The following CACNA1C variants were observed in gnomAD, a reference collection of about 807,000 sequenced individuals.
CACNA1C encodes the protein voltage-dependent L-type calcium channel subunit alpha-1C.
A neutral mutation model predicts 229.0 loss-of-function variants in CACNA1C; 30 were observed. The observed-to-expected ratio is 0.13, with a 90% CI of 0.10 to 0.18. CACNA1C has a LOEUF of 0.18. Ranked by LOEUF, CACNA1C falls within the 10% of genes least tolerant of loss-of-function variation. The pLI, the probability that CACNA1C is intolerant of heterozygous loss-of-function variation, is 1.00. For missense variants in CACNA1C, 1,658 were observed against 2,845.0 expected (o/e 0.58, Z 9.49); for synonymous variants, 1,114 against 1,132.5 (o/e 0.98, Z 0.33).
chr12:2,174,613 G>A (rs866738643), intron 3 of CACNA1C, among the ~76,000 whole-genome samples: 49 of 151,946 alleles, frequency 3.2e-4, no homozygotes, highest in African/African-American at 1.2e-3. Flanking sequence ...AATTTCACCT[G>A]TAAGTACAGT....
chr12:2,083,153 G>A (rs901685250), intron 1 of CACNA1C, among the ~76,000 whole-genome samples: 24 of 152,124 alleles, frequency 1.6e-4, no homozygotes, highest in African/African-American at 5.3e-4. Context: ...TTCTTTGGAG[G>A]GTTTTTCTTG....
chr12:2,358,878 A>C (rs1193075418), intron 3 of CACNA1C, among the ~76,000 whole-genome samples: 1 of 150,232 alleles, frequency 6.7e-6, no homozygotes, highest in Non-Finnish European at 1.5e-5. Flanking sequence ...GCAGATTCTT[A>C]CTCCATTTCT....
intron 13 of CACNA1C, among the ~76,000 whole-genome samples, chr12:2,571,108 A>G (rs983468523): frequency 1.3e-5 from 2 of 152,236 alleles, no homozygotes; most frequent in Admixed American, 1.3e-4. Context: ...GGATGAGGAT[A>G]GGCTACTACT....
At position 2,115,509 on chromosome 12, in the gene CACNA1C, C is replaced by G; in HGVS notation, c.335C>G (p.Pro112Arg). The G allele has an allele frequency of 6.2e-7, 1 of 1,613,520 alleles. No homozygotes were observed. Among genetic ancestry groups the G allele is most frequent in the East Asian group, 2.2e-5 (1 of 44,884 alleles). The change falls in exon 2 of 47, where the codon CCC (proline) becomes CGC (arginine). Residue 112 changes from proline (P) to arginine (R), a missense_variant. Coordinates refer to ENST00000399655, the MANE Select transcript of CACNA1C (RefSeq NM_000719.7). Reference protein sequence around the residue: ...RALLCLTLKNPIRRACISIVE... With the variant: ...RALLCLTLKNRIRRACISIVE... ...CTGCTCTGCCTGACCCTGAAGAACCCCATCCGGAGGGCCTGCATCAGCATT... is the reference window on the plus strand; with the variant it reads ...CTGCTCTGCCTGACCCTGAAGAACCGCATCCGGAGGGCCTGCATCAGCATT...
At chr12:2,494,728 T>C (rs1449354036) in intron 7 of CACNA1C, among the ~76,000 whole-genome samples, 9 of 152,254 alleles carry the variant, frequency 5.9e-5, no homozygotes, top group Non-Finnish European at 1.3e-4. Context: ...TGTCATATGA[T>C]TTCTTTAAAA....
At chr12:2,541,797 C>A (rs1325866136) in intron 9 of CACNA1C, among the ~76,000 whole-genome samples, 1 of 152,246 alleles carries the variant, frequency 6.6e-6, no homozygotes, top group Admixed American at 6.5e-5. Flanking sequence ...AGCTCCATCC[C>A]TGGGACAAAG....
intron 3 of CACNA1C, among the ~76,000 whole-genome samples, chr12:2,140,520 A>G (rs972787212): frequency 4.0e-5 from 6 of 151,586 alleles, no homozygotes; most frequent in Non-Finnish European, 3.0e-5. Flanking sequence ...CCTCCATCCC[A>G]GACCTCTCTC....
At chr12:2,254,915 C>T (rs1600860058) in intron 3 of CACNA1C, among the ~76,000 whole-genome samples, 1 of 152,206 alleles carries the variant, frequency 6.6e-6, no homozygotes, top group Non-Finnish European at 1.5e-5. Flanking sequence ...AGAGATTCAT[C>T]CCGAAGGTCT....
At chr12:2,036,565 A>C (rs2049176965) in intron 1 of CACNA1C, among the ~76,000 whole-genome samples, 1 of 152,010 alleles carries the variant, frequency 6.6e-6, no homozygotes, top group African/African-American at 2.4e-5. Context: ...TCTCGGGTTC[A>C]AGAGATTCTC....
rs12809239 is a variant in CACNA1C at position 2,615,861 on chromosome 12, C to T, written c.3828+3848C>T. Among the ~76,000 whole-genome samples, 1,113 of 152,284 alleles carry T rather than the reference C, an allele frequency of 7.3e-3. 6 individuals carry two copies. Among genetic ancestry groups the T allele is most frequent in the Non-Finnish European group, 0.012 (838 of 68,014 alleles). On this transcript the variant is annotated intron_variant, in intron 29 of 46. Coordinates refer to ENST00000399655, the MANE Select transcript of CACNA1C (RefSeq NM_000719.7). ...GCAGGAGGCGATGAGTGAGAGGCTGCGCTCCAAGCTTCTCCTCCTCAGTGG... is the reference window on the plus strand; with the variant it reads ...GCAGGAGGCGATGAGTGAGAGGCTGTGCTCCAAGCTTCTCCTCCTCAGTGG...
chr12:2,421,843 A>G (rs900076110), intron 3 of CACNA1C, among the ~76,000 whole-genome samples: 2 of 152,006 alleles, frequency 1.3e-5, no homozygotes, highest in Non-Finnish European at 1.5e-5. Context: ...CCTGGGAGGC[A>G]GAGGTTGCAG....
chr12:2,225,220 A>G (rs1283352961), intron 3 of CACNA1C, among the ~76,000 whole-genome samples: 1 of 152,224 alleles, frequency 6.6e-6, no homozygotes, highest in Non-Finnish European at 1.5e-5. Flanking sequence ...AAAAGCATTT[A>G]TTCAGCACTT....
chr12:2,329,619 T>C (rs1266797322), intron 3 of CACNA1C, among the ~76,000 whole-genome samples: 3 of 152,252 alleles, frequency 2.0e-5, no homozygotes, highest in African/African-American at 7.2e-5. Flanking sequence ...TAATTCTTGA[T>C]TTTAGCATTT....
At chr12:2,016,492 C>T (rs1015220033) in intron 1 of CACNA1C, among the ~76,000 whole-genome samples, 7 of 151,978 alleles carry the variant, frequency 4.6e-5, no homozygotes, top group Admixed American at 1.3e-4. Context: ...TGCAATGGCA[C>T]GATTTTGGCT....
chr12:2,128,551 C>G (rs1173840950), intron 3 of CACNA1C, among the ~76,000 whole-genome samples: 1 of 152,124 alleles, frequency 6.6e-6, no homozygotes, highest in East Asian at 1.9e-4. Flanking sequence ...GCTGGGACTA[C>G]ACGCGCTCAG....
At chr12:2,211,791 TCA>T (rs2097924406) in intron 3 of CACNA1C, among the ~76,000 whole-genome samples, 1 of 149,036 alleles carries the variant, frequency 6.7e-6, no homozygotes, top group Non-Finnish European at 1.5e-5. Context: ...TGGTCTCGGC[TCA>T]CTGCAACCTC....
chr12:2,179,407 A>T (rs1243150008), intron 3 of CACNA1C, among the ~76,000 whole-genome samples: 1 of 152,210 alleles, frequency 6.6e-6, no homozygotes, highest in Admixed American at 6.5e-5. Context: ...AAAGGAAAAC[A>T]TACCAACCTG....
chr12:2,072,473 T>TATAG (rs1295423991), intron 1 of CACNA1C, among the ~76,000 whole-genome samples: 1 of 152,164 alleles, frequency 6.6e-6, no homozygotes, highest in Non-Finnish European at 1.5e-5. Flanking sequence ...GTGCTAGGAT[T>TATAG]ATAGGTATGA....
intron 1 of CACNA1C, among the ~76,000 whole-genome samples, chr12:2,008,128 TA>T (rs1176811464): frequency 2.6e-5 from 4 of 152,032 alleles, no homozygotes; most frequent in African/African-American, 9.7e-5. Context: ...TTTATTTATT[TA>T]TTTTTTGAGA....
Sources: allele counts gnomAD v4.1 joint callset (sites outside exome capture counted in the v4.1 genomes callset), GRCh38; gene constraint gnomAD v4.1.1; transcripts MANE v1.5; gene names NCBI Gene and HGNC (gene_info 2026-07-23, HGNC 2026-07-21).